EHBP1: variants seen among roughly 807,000 people sequenced by gnomAD.
EHBP1 encodes the protein EH domain binding protein 1, also known as EH domain-binding protein 1.
A neutral mutation model predicts 144.0 loss-of-function variants in EHBP1; 55 were observed. The ratio of observed to expected loss-of-function variants is 0.38; its 90% confidence interval spans 0.31 to 0.48. The LOEUF (loss-of-function observed/expected upper bound fraction) is 0.48. EHBP1 is among the 20% of genes least tolerant of loss of function. The probability of loss-of-function intolerance (pLI) is 0.98; values close to 1 mark genes in which losing one functional copy is unlikely to be tolerated. For missense variants in EHBP1, 1,200 were observed against 1,364.2 expected (o/e 0.88, Z 1.90); for synonymous variants, 469 against 472.7 (o/e 0.99, Z 0.10).
intron 1 of EHBP1, among the ~76,000 whole-genome samples, chr2:62,692,216 AT>A (rs1364833714): frequency 6.6e-6 from 1 of 152,152 alleles, no homozygotes; most frequent in Non-Finnish European, 1.5e-5. Flanking sequence ...TGCTTCATTC[AT>A]TTTTATTGCT....
chr2:62,701,708 A>C (rs2034286981), upstream of EHBP1, among the ~76,000 whole-genome samples: 1 of 152,228 alleles, frequency 6.6e-6, no homozygotes, highest in South Asian at 2.1e-4. Flanking sequence ...CCATCAGTTA[A>C]AATTTTAAAA....
intron 13 of EHBP1, among the ~76,000 whole-genome samples, chr2:62,954,168 G>A (rs1444257359): frequency 6.6e-6 from 1 of 152,094 alleles, no homozygotes; most frequent in African/African-American, 2.4e-5. Flanking sequence ...TTTGAACCCA[G>A]GTCTGTCTGA....
chr2:62,950,095 T>A (rs1296996390), intron 13 of EHBP1, among the ~76,000 whole-genome samples: 5 of 152,158 alleles, frequency 3.3e-5, no homozygotes, highest in African/African-American at 1.2e-4. Context: ...ATCCAGCTCT[T>A]CTGAATCACT....
chr2:63,005,706 A>G (rs746725260), intron 19 of EHBP1, among the ~76,000 whole-genome samples: 2 of 152,024 alleles, frequency 1.3e-5, no homozygotes, highest in Non-Finnish European at 2.9e-5. Flanking sequence ...GTTCTTTGCT[A>G]TTTGACTTTA....
chr2:62,735,656 G>A (rs986085870), intron 2 of EHBP1, among the ~76,000 whole-genome samples: 4 of 152,100 alleles, frequency 2.6e-5, no homozygotes, highest in African/African-American at 9.7e-5. Context: ...TCTGACCTAT[G>A]TTACTTTCCT....
chr2:62,742,866 TAA>T (rs1023590497), intron 2 of EHBP1, among the ~76,000 whole-genome samples: 28 of 152,228 alleles, frequency 1.8e-4, no homozygotes, highest in African/African-American at 6.7e-4. Context: ...ATTCCAAACT[TAA>T]AAGTGCTGAT....
chr2:62,881,515 G>A (rs1409877844), intron 10 of EHBP1, among the ~76,000 whole-genome samples: 1 of 150,500 alleles, frequency 6.6e-6, no homozygotes, highest in African/African-American at 2.4e-5. Context: ...AAACTCTAAA[G>A]CAGCTAGGCA....
At chr2:62,784,083 C>T (rs2042637042) in intron 5 of EHBP1, among the ~76,000 whole-genome samples, 1 of 152,150 alleles carries the variant, frequency 6.6e-6, no homozygotes, top group Admixed American at 6.5e-5. Context: ...AGAATTTCCC[C>T]TTTACCCTTA....
chr2:62,755,130 C>CA (rs1250825043), intron 3 of EHBP1, among the ~76,000 whole-genome samples: 2 of 152,296 alleles, frequency 1.3e-5, no homozygotes, highest in East Asian at 3.9e-4. Flanking sequence ...CATCTTGTAA[C>CA]CACCCCCACT....
At chr2:62,697,432 G>A (rs560102320) in intron 1 of EHBP1, among the ~76,000 whole-genome samples, 1 of 152,280 alleles carries the variant, frequency 6.6e-6, no homozygotes, top group African/African-American at 2.4e-5. Context: ...TCTGATAATT[G>A]GATTTTATTG....
At chr2:62,968,926 T>A (rs1326944132) in intron 14 of EHBP1, among the ~76,000 whole-genome samples, 2 of 152,180 alleles carry the variant, frequency 1.3e-5, no homozygotes, top group African/African-American at 4.8e-5. Flanking sequence ...AGCGTTCAGC[T>A]CCTTTTTGCC....
At chr2:62,753,425 G>A (rs1300851442) in intron 3 of EHBP1, among the ~76,000 whole-genome samples, 1 of 152,116 alleles carries the variant, frequency 6.6e-6, no homozygotes, top group Non-Finnish European at 1.5e-5. Context: ...CTCTGTGGCT[G>A]CCCTTAACAT....
At chr2:63,003,147 A>G (rs1426374661) in intron 19 of EHBP1, among the ~76,000 whole-genome samples, 4 of 152,058 alleles carry the variant, frequency 2.6e-5, no homozygotes, top group Non-Finnish European at 5.9e-5. Context: ...ATTTCAGACC[A>G]TGTAGGTATT....
At chr2:62,937,313 G>A (rs539392737) in intron 10 of EHBP1, among the ~76,000 whole-genome samples, 2 of 152,172 alleles carry the variant, frequency 1.3e-5, no homozygotes, top group Non-Finnish European at 1.5e-5. Flanking sequence ...TCTGCTTCCT[G>A]AGTAACCTCA....
upstream of EHBP1, among the ~76,000 whole-genome samples, chr2:62,703,985 T>G (rs2034359239): frequency 6.6e-6 from 1 of 152,206 alleles, no homozygotes; most frequent in African/African-American, 2.4e-5. Context: ...GAAGGGTAAC[T>G]TGGATGAAAA....
intron 7 of EHBP1, among the ~76,000 whole-genome samples, chr2:62,850,420 A>T (rs540431495): frequency 3.3e-5 from 5 of 152,056 alleles, no homozygotes; most frequent in African/African-American, 1.2e-4. Flanking sequence ...CTGGTGGTCA[A>T]TTTCGATCTT....
chr2:62,936,771 T>C (rs1211324791), intron 10 of EHBP1, among the ~76,000 whole-genome samples: 1 of 152,204 alleles, frequency 6.6e-6, no homozygotes, highest in Non-Finnish European at 1.5e-5. Flanking sequence ...GTGAAGTGAT[T>C]TAAATGAAAA....
intron 19 of EHBP1, among the ~76,000 whole-genome samples, chr2:63,019,830 G>GGGAAGGAAGGAAGGAAGGAAGGAA (rs539462695): frequency 1.4e-4 from 5 of 34,796 alleles, no homozygotes; most frequent in South Asian, 2.2e-3. Context: ...AAGAGGGGGA[G>GGGAAGGAAGGAAGGAAGGAAGGAA]GGAAGGAAGG....
At chr2:62,979,373 C>T (rs750257775) in intron 15 of EHBP1, 38 bp downstream of exon 15, 1 of 1,595,382 alleles carries the variant, frequency 6.3e-7, no homozygotes, top group Non-Finnish European at 8.5e-7. Flanking sequence ...ACAGACAACC[C>T]AGAAATCCAC....
Sources: gnomAD v4.1 joint callset for allele counts (sites outside exome capture counted in the v4.1 genomes callset) on GRCh38, gnomAD v4.1.1 for gene constraint, MANE v1.5 for transcripts, NCBI Gene and HGNC (gene_info 2026-07-23, HGNC 2026-07-21) for gene names.